TGFA: variants seen among roughly 807,000 people sequenced by gnomAD.
TGFA encodes the protein transforming growth factor alpha.
TGFA carries 12 observed loss-of-function variants against 21.7 expected under a neutral mutation model. The observed-to-expected ratio is 0.55, with a 90% CI of 0.35 to 0.90. The LOEUF is 0.90. Among genes scored for constraint, TGFA ranks in the 40% least tolerant of loss-of-function variants. TGFA has a pLI of 0.01. For synonymous variants in TGFA, 79 were observed against 88.1 expected (o/e 0.90, Z 0.58); for missense variants, 178 against 210.8 (o/e 0.84, Z 0.96).
chr2:70,494,651 C>T lies in TGFA; in HGVS notation c.94+20208G>A, dbSNP rs114365865. ...AGTCTCCGACCTTATCTGCTTTGTA[C>T]GCAGCTCTTATTTTTATCTTCACTA... On this transcript the variant is annotated intron_variant, in intron 2 of 5. Coordinates refer to ENST00000295400, the MANE Select transcript of TGFA (RefSeq NM_003236.4). 5.2e-3 allele frequency among the ~76,000 whole-genome samples: 786 copies of T among 152,226 alleles called. 7 individuals carry two copies. Among genetic ancestry groups the T allele is most frequent in the African/African-American group, 5.7e-3 (238 of 41,534 alleles).
intron 2 of TGFA, among the ~76,000 whole-genome samples, chr2:70,503,398 G>A (rs1163290342): frequency 6.8e-6 from 1 of 146,826 alleles, no homozygotes; most frequent in Non-Finnish European, 1.5e-5. Context: ...CACAGGAAGG[G>A]GAACATCACA....
At chr2:70,465,830 T>C in intron 2 of TGFA, 94 bp from the exon 3 acceptor site, 2 of 1,549,734 alleles carry the variant, frequency 1.3e-6, no homozygotes, top group Admixed American at 3.7e-5. Flanking sequence ...GTGGAGCCCC[T>C]GATGGCTGGG....
intron 5 of TGFA, 68 bp from the exon 6 acceptor site, chr2:70,450,934 A>G: frequency 6.4e-7 from 1 of 1,568,198 alleles, no homozygotes; most frequent in Non-Finnish European, 8.7e-7. Flanking sequence ...AAATAAGCTT[A>G]GGAAAGAGAC....
chr2:70,480,981 C>G (rs1390840711), intron 2 of TGFA, among the ~76,000 whole-genome samples: 2 of 152,190 alleles, frequency 1.3e-5, no homozygotes, highest in African/African-American at 4.8e-5. Flanking sequence ...TCTGCTCTTA[C>G]AAGGAGAAAT....
chr2:70,451,842 C>G (rs1670069914), intron 5 of TGFA: 4 of 670,968 alleles, frequency 6.0e-6, no homozygotes. Flanking sequence ...GGGACCCAAG[C>G]AGGCTGTCAT....
At chr2:70,513,314 G>A (rs1249111351) in intron 2 of TGFA, among the ~76,000 whole-genome samples, 1 of 152,160 alleles carries the variant, frequency 6.6e-6, no homozygotes, top group African/African-American at 2.4e-5. Flanking sequence ...AAAGGGGGTT[G>A]GGGCAATTCT....
intron 2 of TGFA, among the ~76,000 whole-genome samples, chr2:70,490,976 G>A (rs754517619): frequency 3.3e-5 from 5 of 152,184 alleles, no homozygotes; most frequent in Non-Finnish European, 5.9e-5. Flanking sequence ...GTTTCCCCAA[G>A]CAGATCAGGT....
At chr2:70,544,680 G>A (rs1460712526) in intron 1 of TGFA, among the ~76,000 whole-genome samples, 6 of 151,936 alleles carry the variant, frequency 3.9e-5, no homozygotes, top group African/African-American at 1.5e-4. Context: ...TCACAATAAG[G>A]GCAAAAATAC....
chr2:70,454,328 G>A (rs1174305022), intron 4 of TGFA, among the ~76,000 whole-genome samples: 2 of 152,342 alleles, frequency 1.3e-5, no homozygotes, highest in East Asian at 3.9e-4. Context: ...GGTTACTGGA[G>A]CCCCTGAATC....
chr2:70,481,414 CCT>C (rs1671116306), intron 2 of TGFA, among the ~76,000 whole-genome samples: 1 of 152,200 alleles, frequency 6.6e-6, no homozygotes, highest in Non-Finnish European at 1.5e-5. Flanking sequence ...CTCCCAGAAA[CCT>C]CTGTGTATTG....
intron 1 of TGFA, among the ~76,000 whole-genome samples, chr2:70,521,682 T>C (rs1553502340): frequency 7.0e-6 from 1 of 142,320 alleles, no homozygotes; most frequent in African/African-American, 2.6e-5. Context: ...TGGCACGATC[T>C]TGGCTCACTG....
chr2:70,507,105 G>A lies in TGFA; in HGVS notation c.94+7754C>T, dbSNP rs11466222. ...GGCCTGGGAGCCAAGCTACAAAAATGGGTGTCCCTCATGCAAGGCGCCACT... is the reference window on the plus strand; with the variant it reads ...GGCCTGGGAGCCAAGCTACAAAAATAGGTGTCCCTCATGCAAGGCGCCACT... On this transcript the variant is annotated intron_variant, in intron 2 of 5. Coordinates refer to ENST00000295400, the MANE Select transcript of TGFA (RefSeq NM_003236.4). 3.5e-3 allele frequency among the ~76,000 whole-genome samples: 536 copies of A among 152,356 alleles called. 2 individuals carry two copies. Among genetic ancestry groups the A allele is most frequent in the African/African-American group, 0.012 (498 of 41,590 alleles).
At chr2:70,457,288 G>A (rs1208716148) in intron 3 of TGFA, among the ~76,000 whole-genome samples, 3 of 152,048 alleles carry the variant, frequency 2.0e-5, no homozygotes, top group South Asian at 2.1e-4. Context: ...TTTCAATCAC[G>A]GCCCCCTGCT....
chr2:70,452,448 G>T (rs1274532525), intron 5 of TGFA, among the ~76,000 whole-genome samples: 1 of 151,860 alleles, frequency 6.6e-6, no homozygotes, highest in African/African-American at 2.4e-5. Flanking sequence ...ACTTAATGAA[G>T]ATCATAGGAT....
chr2:70,477,796 T>A (rs374074725), intron 2 of TGFA, among the ~76,000 whole-genome samples: 4 of 152,226 alleles, frequency 2.6e-5, no homozygotes, highest in Non-Finnish European at 5.9e-5. Context: ...TGGAAAGAAG[T>A]CTGCAGGGCC....
rs1672139853 is a variant in TGFA, at chr2:70,512,734, C to G, written c.94+2125G>C. Among the ~76,000 whole-genome samples the G allele has an allele frequency of 2.6e-5, 4 of 152,226 alleles. No individual in the cohort carries two copies. In the South Asian group the frequency reaches 8.3e-4, roughly 32 times the overall value. Reference sequence around the variant, plus strand: ...GGAGTTATGCCAGGCTCCTGGGGAACAGGCTCCAGGGCGACATCCCTTAGG... The same window carrying G: ...GGAGTTATGCCAGGCTCCTGGGGAAGAGGCTCCAGGGCGACATCCCTTAGG... On this transcript the variant is annotated intron_variant, in intron 2 of 5. Coordinates refer to ENST00000295400, the MANE Select transcript of TGFA (RefSeq NM_003236.4).
intron 1 of TGFA, among the ~76,000 whole-genome samples, chr2:70,516,757 C>T (rs1251471498): frequency 2.0e-5 from 3 of 152,210 alleles, no homozygotes; most frequent in Non-Finnish European, 4.4e-5. Context: ...TTCGCTGGCA[C>T]TGCCACAAAC....
At chr2:70,471,440 G>A (rs572239191) in intron 2 of TGFA, among the ~76,000 whole-genome samples, 44 of 152,352 alleles carry the variant, frequency 2.9e-4, no homozygotes, top group Admixed American at 2.1e-3. Flanking sequence ...TGGGGCTTGT[G>A]CGCCCCTAGG....
At chr2:70,535,788 T>A (rs923352445) in intron 1 of TGFA, among the ~76,000 whole-genome samples, 3 of 152,256 alleles carry the variant, frequency 2.0e-5, no homozygotes, top group Non-Finnish European at 2.9e-5. Context: ...ACATAGTGAA[T>A]TGATGTTGTT....
Sources: gnomAD v4.1 joint callset for allele counts (sites outside exome capture counted in the v4.1 genomes callset) on GRCh38, gnomAD v4.1.1 for gene constraint, MANE v1.5 for transcripts, NCBI Gene and HGNC (gene_info 2026-07-23, HGNC 2026-07-21) for gene names.